ZC3H7A: variants seen among roughly 807,000 people sequenced by gnomAD.
ZC3H7A encodes zinc finger CCCH domain-containing protein 7A.
In ZC3H7A, 44 loss-of-function variants were observed where a neutral mutation model predicts 125.5. The observed-to-expected ratio is 0.35, with a 90% CI of 0.28 to 0.45. The LOEUF is 0.45. Ranked by LOEUF, ZC3H7A falls within the 20% of genes least tolerant of loss-of-function variation. The pLI, the probability that ZC3H7A is intolerant of heterozygous loss-of-function variation, is 1.00. For missense variants in ZC3H7A, 977 were observed against 1,170.7 expected, an observed-to-expected ratio of 0.83 and a Z score of 2.41; for synonymous variants, 399 against 391.2, an observed-to-expected ratio of 1.02 and a Z score of -0.23.
In ZC3H7A at chr16:11,770,969, C is replaced by T. The variant is rs749638477; in HGVS notation, c.922G>A (p.Gly308Arg). ...ETVMPSALVR[G>R]PLQTASVSPS... is the part of the protein sequence containing the mutation. ...GAGACACTGGCTGTCTGAAGGGGTCCTCTGACTAAAGCTGACGGCTGCGGA... is the reference window on the plus strand; with the variant it reads ...GAGACACTGGCTGTCTGAAGGGGTCTTCTGACTAAAGCTGACGGCTGCGGA... Residue 308 changes from glycine (G) to arginine (R), a missense_variant, in exon 10 of 23, where the codon GGA becomes AGA. Physicochemically the swap from Gly to Arg is moderately radical, Grantham distance 125. Transcript: ENST00000355758. 10 of 1,609,848 alleles carry T rather than the reference C, an allele frequency of 6.2e-6. No homozygotes were observed. The African/African-American group carries it at 1.2e-4, about 19-fold the overall frequency.
chr16:11,760,122 G>GAAA lies in ZC3H7A; in HGVS notation c.2319+1281_2319+1283dup, dbSNP rs66812605. ...CCTGGGTGACAGAGCAAGAAAAAATGAAAAAAAAAAAAAAAAAAAAAAAGA... is the reference window on the plus strand; with the variant it reads ...CCTGGGTGACAGAGCAAGAAAAAATGAAAAAAAAAAAAAAAAAAAAAAAAAAGA... On this transcript the variant is annotated intron_variant, in intron 19 of 22. Coordinates refer to ENST00000355758, the MANE Select transcript of ZC3H7A (RefSeq NM_014153.4). Among the ~76,000 whole-genome samples, 206 of 82,518 alleles carry GAAA rather than the reference G, an allele frequency of 2.5e-3. 5 individuals carry two copies. The highest frequency in any genetic ancestry group is 9.7e-3 in the African/African-American group (181 of 18,626). The allele number at this position is 82,518 out of a possible 152,430, so 54.1% of individuals were successfully genotyped here. A position where few individuals can be genotyped will look rare whatever the true frequency, so the allele number is the denominator to read the frequency against.
intron 4 of ZC3H7A, 41 bp from the exon 5 acceptor site, chr16:11,776,950 A>G (rs911436871): frequency 6.7e-7 from 1 of 1,498,320 alleles, no homozygotes; most frequent in Non-Finnish European, 8.9e-7. Context: ...CAATCAAACA[A>G]TTCATTTCTT....
At chr16:11,786,695 C>CA (rs2053262214) in intron 1 of ZC3H7A, among the ~76,000 whole-genome samples, 1 of 152,134 alleles carries the variant, frequency 6.6e-6, no homozygotes, top group East Asian at 1.9e-4. Flanking sequence ...TATAATATGA[C>CA]AGAGTATTTC....
chr16:11,768,701 G>A (rs375918792), intron 11 of ZC3H7A, among the ~76,000 whole-genome samples, 200 bp from the exon 12 acceptor site: 3 of 151,834 alleles, frequency 2.0e-5, no homozygotes, highest in Admixed American at 6.6e-5. Flanking sequence ...GTCACCCCCC[G>A]ACTTTTTTGA....
At chr16:11,761,358 T>C in intron 19 of ZC3H7A, 48 bp downstream of exon 19, 2 of 1,541,496 alleles carry the variant, frequency 1.3e-6, no homozygotes, top group Non-Finnish European at 9.0e-7. Context: ...TTTCTAATGA[T>C]TTGAAATGCC....
chr16:11,784,295 G>T (rs991773078), intron 1 of ZC3H7A, among the ~76,000 whole-genome samples: 1 of 151,780 alleles, frequency 6.6e-6, no homozygotes, highest in African/African-American at 2.4e-5. Context: ...TGGACATGTT[G>T]GCCCATGTCC....
rs201615324 is a variant in ZC3H7A, at chr16:11,765,563, C to T, written c.1645G>A (p.Gly549Ser). 224 of 1,614,032 alleles carry T rather than the reference C, an allele frequency of 1.4e-4. No individual in the cohort carries two copies. The highest frequency in any genetic ancestry group is 1.8e-4 in the Non-Finnish European group (216 of 1,180,026). The change falls in exon 14 of 23, where the codon GGC becomes AGC. Residue 549 changes from glycine (G) to serine (S), a missense_variant. Physicochemically the swap from Gly to Ser is moderately conservative, Grantham distance 56. Coordinates refer to ENST00000355758, the MANE Select transcript of ZC3H7A (RefSeq NM_014153.4). The surrounding 1 kb of genome is among the most constrained non-coding windows in gnomAD (Gnocchi z 4.8). ...GAFSREAFFG[G>S]NGKINLTVFK... ...ACAGTAAGGTTAATCTTTCCATTGCCGCCAAAGAAAGCCTCCCGGCTGAAT... is the reference window on the plus strand; with the variant it reads ...ACAGTAAGGTTAATCTTTCCATTGCTGCCAAAGAAAGCCTCCCGGCTGAAT...
At chr16:11,796,851 G>C (rs1296947981) in intron 1 of ZC3H7A, 1 of 151,302 alleles carries the variant, frequency 6.6e-6, no homozygotes, top group Admixed American at 6.6e-5. Context: ...GAGACATTTT[G>C]CCGAGGGAAT....
chr16:11,778,436 C>CAA (rs754842530), intron 4 of ZC3H7A, among the ~76,000 whole-genome samples: 654 of 72,912 alleles, frequency 9.0e-3, no homozygotes, highest in Non-Finnish European at 0.012. Flanking sequence ...GACACTGTCT[C>CAA]AAAAAAAAAA....
At chr16:11,763,335 C>T in intron 16 of ZC3H7A, 143 bp downstream of exon 16, 1 of 747,168 alleles carries the variant, frequency 1.3e-6, no homozygotes, top group East Asian at 2.9e-5. Context: ...TCTTGAACTC[C>T]TGACCTCAAG....
intron 1 of ZC3H7A, among the ~76,000 whole-genome samples, chr16:11,790,477 C>A (rs568157316): frequency 6.6e-6 from 1 of 152,164 alleles, no homozygotes; most frequent in Non-Finnish European, 1.5e-5. Context: ...GGTATTTTTT[C>A]CAATTTGATG....
chr16:11,793,773 A>G (rs62038760), intron 1 of ZC3H7A, among the ~76,000 whole-genome samples: 81,351 of 152,158 alleles, frequency 0.53, 25,473 homozygotes, highest in Non-Finnish European at 0.7. Context: ...ATAAGACATT[A>G]AAGTTGTTGA....
At chr16:11,774,892 G>T in intron 8 of ZC3H7A, 88 bp downstream of exon 8, 2 of 1,385,522 alleles carry the variant, frequency 1.4e-6, no homozygotes, top group South Asian at 1.2e-5. Context: ...ACCACACAGC[G>T]ATATTATTTG....
In ZC3H7A at chr16:11,770,928, A is replaced by T; in HGVS notation, c.963T>A (p.Phe321Leu). The change falls in exon 10 of 23, where the codon TTT becomes TTA. Residue 321 changes from phenylalanine (F) to leucine (L), a missense_variant. By Grantham distance (22) the Phe-to-Leu change is conservative. Around this residue, in one of 3 missense-constraint regions of ZC3H7A, gnomAD observed 342 missense variants for 311.3 expected, o/e 1.10. Transcript: ENST00000355758. ...GTAAGGTTCCTAACAGCGATGCCGA[A>T]AAGGGCATGCTAGGAGAGACACTGG... ...QTASVSPSMP[F>L]SASLLGTLPI... is the part of the protein sequence containing the mutation. 1 of 1,613,958 alleles carries T rather than the reference A, an allele frequency of 6.2e-7. No homozygotes were observed. Among genetic ancestry groups the T allele is most frequent in the Non-Finnish European group, 8.5e-7 (1 of 1,179,902 alleles).
At chr16:11,793,820 T>G (rs2053390934) in intron 1 of ZC3H7A, among the ~76,000 whole-genome samples, 1 of 152,200 alleles carries the variant, frequency 6.6e-6, no homozygotes, top group Admixed American at 6.5e-5. Context: ...AGTTTCTCCC[T>G]TTTACTGAAA....
At chr16:11,776,231 T>G in intron 7 of ZC3H7A, 89 bp downstream of exon 7, 1 of 1,347,290 alleles carries the variant, frequency 7.4e-7, no homozygotes, top group Non-Finnish European at 1.0e-6. Flanking sequence ...GTTCCAAAAA[T>G]AAACACACAC....
chr16:11,762,121 G>T (rs943715835), intron 17 of ZC3H7A, 78 bp from the exon 18 acceptor site: 53 of 1,404,168 alleles, frequency 3.8e-5, no homozygotes, highest in Non-Finnish European at 5.0e-5. Context: ...AAATCAAGAT[G>T]CATTTTTTTC....
At chr16:11,785,575 G>GA (rs113900711) in intron 1 of ZC3H7A, among the ~76,000 whole-genome samples, 2,448 of 142,698 alleles carry the variant, frequency 0.017, 19 homozygotes, top group African/African-American at 0.024. Context: ...GAAATTATAG[G>GA]AAAAAAAAAA....
At chr16:11,766,290 C>T (rs368081633) in intron 13 of ZC3H7A, among the ~76,000 whole-genome samples, 38 of 152,298 alleles carry the variant, frequency 2.5e-4, no homozygotes, top group East Asian at 2.3e-3. Context: ...ATAGGCCAAG[C>T]GTGGTGGCTC....
Sources: allele counts gnomAD v4.1 joint callset (sites outside exome capture counted in the v4.1 genomes callset), GRCh38; gene constraint gnomAD v4.1.1; regional missense constraint gnomAD v4.1.1; non-coding constraint Gnocchi (gnomAD v3.1); transcripts MANE v1.5; gene names NCBI Gene and HGNC (gene_info 2026-07-23, HGNC 2026-07-21).